Variants in PHLPP1 observed in about 807,000 individuals in gnomAD.
PHLPP1 encodes PH domain and leucine rich repeat protein phosphatase 1.
Under a neutral mutation model 117.2 loss-of-function variants are expected in PHLPP1, and 42 were observed. The ratio of observed to expected loss-of-function variants is 0.36; its 90% confidence interval spans 0.28 to 0.46. PHLPP1 has a LOEUF of 0.46. PHLPP1 is among the 20% of genes least tolerant of loss of function. PHLPP1 has a pLI of 1.00. For synonymous variants in PHLPP1, 1,042 were observed against 970.7 expected, an observed-to-expected ratio of 1.07 and a Z score of -1.37; for missense variants, 2,084 against 2,241.9, an observed-to-expected ratio of 0.93 and a Z score of 1.42.
chr18:62,764,064 A>G (rs12970123), intron 1 of PHLPP1, among the ~76,000 whole-genome samples: 10,186 of 150,420 alleles, frequency 0.068, 392 homozygotes, highest in Middle Eastern at 0.089. Flanking sequence ...TTGGGAGGCT[A>G]AGGGAGAAGA....
At chr18:62,915,343 T>C (rs1241191445) in intron 9 of PHLPP1, among the ~76,000 whole-genome samples, 1 of 152,238 alleles carries the variant, frequency 6.6e-6, no homozygotes, top group Non-Finnish European at 1.5e-5. Context: ...ATCTTCCACC[T>C]CTGTTCATTG....
chr18:62,839,069 T>C (rs1914988068), intron 3 of PHLPP1, 160 bp downstream of exon 3: 1 of 689,104 alleles, frequency 1.5e-6, no homozygotes, highest in African/African-American at 1.8e-5. Flanking sequence ...TAAAAACTAA[T>C]TTTGCCTGAA....
chr18:62,814,340 A>G (rs941164974), intron 1 of PHLPP1, among the ~76,000 whole-genome samples: 5 of 152,106 alleles, frequency 3.3e-5, no homozygotes, highest in Non-Finnish European at 7.4e-5. Flanking sequence ...TCCTGCCAGC[A>G]CTCCTTGCTG....
In PHLPP1 at chr18:62,762,705, T is replaced by C. The variant is rs1227042937; in HGVS notation, c.1576+45446T>C. Among the ~76,000 whole-genome samples, 4 of 152,280 alleles carry C rather than the reference T, an allele frequency of 2.6e-5. No homozygotes were observed. The East Asian group carries it at 7.7e-4, about 29-fold the overall frequency. On this transcript the variant is annotated intron_variant, in intron 1 of 16. Transcript: ENST00000262719. ...CTGGGATTACAAGTGTGAGCCACCA[T>C]GCCCTACCTGTTCTCTTGATTTTAC... is the stretch of plus-strand genomic sequence containing the variant.
intron 1 of PHLPP1, among the ~76,000 whole-genome samples, chr18:62,751,718 A>C (rs1911859667): frequency 6.6e-6 from 1 of 152,046 alleles, no homozygotes; most frequent in Non-Finnish European, 1.5e-5. Flanking sequence ...GGAAGTTCTC[A>C]CAGTCATTTG....
chr18:62,838,808 C>T lies in PHLPP1; in HGVS notation c.1798C>T (p.His600Tyr). 6.2e-7 allele frequency: 1 copy of T among 1,613,802 alleles called. No individual in the cohort carries two copies. The highest frequency in any genetic ancestry group is 8.5e-7 in the Non-Finnish European group (1 of 1,179,734). Reference sequence around the variant, plus strand: ...GGTAGAAGAAGTGAAAAAGCACCAACACTGTTTAGCATTTAGCTCCTCTGG... The same window carrying T: ...GGTAGAAGAAGTGAAAAAGCACCAATACTGTTTAGCATTTAGCTCCTCTGG... ...GKVEEVKKHQ[H>Y]CLAFSSSGPQ... The change falls in exon 3 of 17, where the codon CAC becomes TAC. Residue 600 changes from histidine (H) to tyrosine (Y), a missense_variant. Around this residue, in one of 2 missense-constraint regions of PHLPP1, gnomAD observed 1,365 missense variants for 1,605.9 expected, o/e 0.85. Transcript: ENST00000262719.
At chr18:62,741,193 C>G (rs1309038518) in intron 1 of PHLPP1, among the ~76,000 whole-genome samples, 1 of 152,020 alleles carries the variant, frequency 6.6e-6, no homozygotes, top group Non-Finnish European at 1.5e-5. Context: ...AATAATAGAC[C>G]GTTCTTGATT....
At chr18:62,861,368 T>A (rs2144362749) in intron 4 of PHLPP1, among the ~76,000 whole-genome samples, 1 of 152,328 alleles carries the variant, frequency 6.6e-6, no homozygotes, top group Middle Eastern at 3.4e-3. Context: ...CCTCCCAAAG[T>A]GCTGTGATTA....
intron 1 of PHLPP1, among the ~76,000 whole-genome samples, chr18:62,770,824 T>A (rs1568111722): frequency 6.6e-6 from 1 of 152,292 alleles, no homozygotes; most frequent in East Asian, 1.9e-4. Flanking sequence ...TCATTTATGT[T>A]TCCTATACAC....
At chr18:62,893,331 C>T (rs1325341252) in intron 4 of PHLPP1, among the ~76,000 whole-genome samples, 1 of 152,208 alleles carries the variant, frequency 6.6e-6, no homozygotes, top group Non-Finnish European at 1.5e-5. Flanking sequence ...AGGTATGAGC[C>T]ACTGCACCTG....
chr18:62,803,649 A>G (rs1027610512), intron 1 of PHLPP1, among the ~76,000 whole-genome samples: 1 of 152,302 alleles, frequency 6.6e-6, no homozygotes, highest in African/African-American at 2.4e-5. Flanking sequence ...TAATGCCGCC[A>G]TGAACATTCT....
chr18:62,914,878 A>G, intron 8 of PHLPP1, 35 bp from the exon 9 acceptor site: 1 of 1,484,758 alleles, frequency 6.7e-7, no homozygotes, highest in East Asian at 2.3e-5. Context: ...TTTGAGGACA[A>G]ATTCAACCAA....
At chr18:62,905,305 G>T (rs375142004) in intron 8 of PHLPP1, 21 bp downstream of exon 8, 15 of 1,330,160 alleles carry the variant, frequency 1.1e-5, no homozygotes, top group Non-Finnish European at 1.5e-5. Context: ...AAGTCTTAGA[G>T]CCCTCTAGAG....
chr18:62,921,331 A>T (rs775249653), intron 10 of PHLPP1, among the ~76,000 whole-genome samples: 1 of 152,212 alleles, frequency 6.6e-6, no homozygotes, highest in Non-Finnish European at 1.5e-5. Context: ...GGAAATGATG[A>T]CAGATCTTTT....
chr18:62,788,309 A>G (rs1422144446), intron 1 of PHLPP1, among the ~76,000 whole-genome samples: 1 of 152,144 alleles, frequency 6.6e-6, no homozygotes, highest in Non-Finnish European at 1.5e-5. Flanking sequence ...TAAAGCAGGG[A>G]CTAGAATGGT....
chr18:62,968,713 A>G (rs1402426726), intron 14 of PHLPP1, among the ~76,000 whole-genome samples: 1 of 151,306 alleles, frequency 6.6e-6, no homozygotes, highest in East Asian at 1.9e-4. Flanking sequence ...AATTTTTTGT[A>G]TTTTTAGTAG....
intron 3 of PHLPP1, among the ~76,000 whole-genome samples, chr18:62,859,385 G>A (rs1915575676): frequency 6.6e-6 from 1 of 152,188 alleles, no homozygotes; most frequent in Non-Finnish European, 1.5e-5. Context: ...TGAGATCCTG[G>A]CTGTGGGAGG....
intron 1 of PHLPP1, among the ~76,000 whole-genome samples, chr18:62,762,906 C>T (rs980467441): frequency 2.6e-5 from 4 of 151,978 alleles, no homozygotes; most frequent in African/African-American, 9.7e-5. Flanking sequence ...TTTAATTTTA[C>T]CATAATGGTT....
Position 62,978,862 on chromosome 18 carries a change from C to T in PHLPP1, c.4585C>T (p.Arg1529Cys), listed in dbSNP as rs768480456. The change falls in exon 17 of 17, where the codon CGC becomes TGC. Residue 1529 changes from arginine to cysteine, a missense_variant. Arg to Cys is a radical substitution (Grantham distance 180, BLOSUM62 -3). Around this residue, in one of 2 missense-constraint regions of PHLPP1, gnomAD observed 1,365 missense variants for 1,605.9 expected, o/e 0.85. Transcript: ENST00000262719. This position sits in a 1 kb window ranked among gnomAD's most constrained non-coding sequence, Gnocchi z 7.0. Reference sequence around the variant, plus strand: ...CATCTGTCTGTCCAACTCCTTCCAGCGCCAGCTATCCAGCGCCACGTTCTC... The same window carrying T: ...CATCTGTCTGTCCAACTCCTTCCAGTGCCAGCTATCCAGCGCCACGTTCTC... ...HPICLSNSFQ[R>C]QLSSATFSSA... is the part of the protein sequence containing the mutation. 32 of 1,606,804 alleles carry T rather than the reference C, an allele frequency of 2.0e-5. No homozygotes were observed. Among genetic ancestry groups the T allele is most frequent in the South Asian group, 1.3e-4 (12 of 89,754 alleles).
Sources: gnomAD v4.1 joint callset for allele counts (sites outside exome capture counted in the v4.1 genomes callset) on GRCh38, gnomAD v4.1.1 for gene constraint, gnomAD v4.1.1 regional missense constraint, Gnocchi (gnomAD v3.1) non-coding constraint, MANE v1.5 for transcripts, NCBI Gene and HGNC (gene_info 2026-07-23, HGNC 2026-07-21) for gene names.